Variants in USP54 observed in about 807,000 individuals in gnomAD.
USP54 encodes ubiquitin specific peptidase 54, also known as ubiquitin carboxyl-terminal hydrolase 54.
A neutral mutation model predicts 170.5 loss-of-function variants in USP54; 87 were observed. That is an observed-to-expected ratio of 0.51 (90% confidence interval 0.43 to 0.61). The LOEUF is 0.61. Ranked by LOEUF, USP54 falls within the 20% of genes least tolerant of loss-of-function variation. USP54 has a pLI of 0.00. For missense variants in USP54, 1,786 were observed against 2,047.8 expected (o/e 0.87, Z 2.47); for synonymous variants, 655 against 742.8 (o/e 0.88, Z 1.92).
At chr10:73,605,073 T>C (rs2079514085) in intron 1 of USP54, among the ~76,000 whole-genome samples, 1 of 152,074 alleles carries the variant, frequency 6.6e-6, no homozygotes, top group Non-Finnish European at 1.5e-5. Flanking sequence ...TGCTGATTGG[T>C]GCATTTACAA....
In USP54 at chr10:73,529,799, A is replaced by G; in HGVS notation, c.1941T>C (p.Leu647=). 1 of 1,613,558 alleles carries G rather than the reference A, an allele frequency of 6.2e-7. No homozygotes were observed. The highest frequency in any genetic ancestry group is 8.5e-7 in the Non-Finnish European group (1 of 1,179,612). ...RWGPARPGSH[L]LEQHPRLIQR... ...GGATTAGTCGGGGGTGCTGCTCTAA[A>G]AGGTGAGAGCCTGGCCGTGCTGGGC... is the stretch of plus-strand genomic sequence containing the variant. Residue 647 remains leucine (L), a synonymous_variant, in exon 15 of 24, where the codon CTT becomes CTC. Transcript: ENST00000687698.
intron 1 of USP54, among the ~76,000 whole-genome samples, chr10:73,618,362 A>G (rs1254401545): frequency 6.6e-6 from 1 of 150,516 alleles, no homozygotes; most frequent in East Asian, 1.9e-4. Context: ...CCTGGGCTCA[A>G]GGGATCTTCC....
intron 1 of USP54, among the ~76,000 whole-genome samples, chr10:73,606,026 A>G (rs1385230489): frequency 4.0e-5 from 6 of 151,826 alleles, no homozygotes; most frequent in African/African-American, 1.5e-4. Context: ...AAAAATACAA[A>G]AATTAGCCAG....
In USP54 at chr10:73,505,020, C is replaced by T. The variant is rs766584204; in HGVS notation, c.4171-30G>A. On this transcript the variant is annotated intron_variant, in intron 21 of 23. Coordinates refer to ENST00000687698, the MANE Select transcript of USP54 (RefSeq NM_001391956.1). ...AAACACACAGACACATACAGGCAGA[C>T]ACATAATACCAGACTTATGGTTTTC... 1.9e-6 allele frequency: 3 copies of T among 1,613,392 alleles called. No individual in the cohort carries two copies. The South Asian group carries it at 3.3e-5, about 18-fold the overall frequency.
Position 73,523,627 on chromosome 10 carries a change from G to A in USP54, c.2318C>T (p.Pro773Leu), listed in dbSNP as rs762693017. 6.2e-7 allele frequency: 1 copy of A among 1,613,096 alleles called. No individual in the cohort carries two copies. The highest frequency in any genetic ancestry group is 1.1e-5 in the South Asian group (1 of 90,970). ...KELEAAKGFN[P>L]HPSRFMDLDE... ...CAAGTCCATGAAGCGGCTAGGATGA[G>A]GGTTAAACCCTTTCGCTGCCTCTAA... is the stretch of plus-strand genomic sequence containing the variant. The change falls in exon 17 of 24, where the codon CCT becomes CTT. Residue 773 changes from proline to leucine, a missense_variant. Physicochemically the swap from Pro to Leu is moderately conservative, Grantham distance 98. Coordinates refer to ENST00000687698, the MANE Select transcript of USP54 (RefSeq NM_001391956.1).
At chr10:73,519,641 G>A (rs1254970669) in intron 19 of USP54, 156 bp downstream of exon 19, 3 of 1,134,908 alleles carry the variant, frequency 2.6e-6, no homozygotes, top group Non-Finnish European at 2.5e-6. Flanking sequence ...AGTACAATGA[G>A]CTTTTCACTG....
chr10:73,565,356 A>G (rs1387426201), intron 4 of USP54, among the ~76,000 whole-genome samples: 1 of 151,872 alleles, frequency 6.6e-6, no homozygotes, highest in African/African-American at 2.4e-5. Context: ...ATCTCTACCA[A>G]AAATTTAAAA....
In USP54 at chr10:73,500,666, T is replaced by C. The variant is rs1178790024; in HGVS notation, c.4484A>G (p.Asn1495Ser). 18 of 1,600,348 alleles carry C rather than the reference T, an allele frequency of 1.1e-5. No homozygotes were observed. The highest frequency in any genetic ancestry group is 4.1e-5 in the African/African-American group (3 of 73,792). ...TTTGGGGGAGTTACCTGGGAGTCTA[T>C]TGGGCTCCCCTGCCATGGTGGGCAT... The part of the protein sequence containing the change: ...VLMPTMAGEP[N>S]RLPGTSRSVQ... Residue 1495 changes from asparagine to serine, a missense_variant, in exon 23 of 24, where the codon AAT becomes AGT. Asn to Ser is a conservative substitution (Grantham distance 46). Around this residue, in one of 3 missense-constraint regions of USP54, gnomAD observed 1,418 missense variants for 1,569.0 expected, o/e 0.90. Transcript: ENST00000687698.
intron 1 of USP54, among the ~76,000 whole-genome samples, chr10:73,585,719 T>C (rs1358934827): frequency 6.6e-6 from 1 of 152,212 alleles, no homozygotes; most frequent in Non-Finnish European, 1.5e-5. Flanking sequence ...ATTCACATAT[T>C]CTGCCAATAA....
intron 1 of USP54, among the ~76,000 whole-genome samples, chr10:73,598,243 T>A (rs2078885998): frequency 6.6e-6 from 1 of 152,218 alleles, no homozygotes; most frequent in Non-Finnish European, 1.5e-5. Context: ...ACTACTGTAG[T>A]CTTTTAATAA....
Position 73,552,636 on chromosome 10 carries a change from C to CAA in USP54, c.241-6966_241-6965dup, listed in dbSNP as rs755473202. 1.8e-4 allele frequency among the ~76,000 whole-genome samples: 27 copies of CAA among 151,862 alleles called. No individual in the cohort carries two copies. The East Asian group carries it at 1.9e-3, about 11-fold the overall frequency. On this transcript the variant is annotated intron_variant, in intron 4 of 23. Transcript: ENST00000687698. ...TGAAACCCCATCTCTACTAAAATTA[C>CAA]AAAAATTAGCCAGGTGTGGTGGCAA... is the stretch of plus-strand genomic sequence containing the variant.
At chr10:73,595,745 C>A (rs1182947043), upstream of USP54, among the ~76,000 whole-genome samples, 1 of 152,148 alleles carries the variant, frequency 6.6e-6, no homozygotes. Context: ...GGACTTAAAG[C>A]TCCTAGAAAG....
At chr10:73,566,029 G>C (rs1383646256) in intron 4 of USP54, among the ~76,000 whole-genome samples, 3 of 152,044 alleles carry the variant, frequency 2.0e-5, no homozygotes, top group Non-Finnish European at 4.4e-5. Flanking sequence ...TCAGGAGTTC[G>C]AGACCAGCCT....
intron 10 of USP54, chr10:73,538,100 G>C (rs2065669190): frequency 6.6e-6 from 1 of 152,194 alleles, no homozygotes; most frequent in Admixed American, 6.5e-5. Flanking sequence ...AGCTACTCGG[G>C]AGGCTGAGGC....
At chr10:73,586,948 C>T (rs1225392519) in intron 1 of USP54, among the ~76,000 whole-genome samples, 1 of 152,038 alleles carries the variant, frequency 6.6e-6, no homozygotes, top group East Asian at 1.9e-4. Flanking sequence ...TTTTCCTGCA[C>T]AAGAACTTAG....
chr10:73,622,934 G>A (rs570925773), intron 1 of USP54, among the ~76,000 whole-genome samples: 5 of 144,080 alleles, frequency 3.5e-5, no homozygotes, highest in African/African-American at 7.7e-5. Context: ...CAGACAACTC[G>A]TCTTTAAAGA....
intron 11 of USP54, among the ~76,000 whole-genome samples, chr10:73,535,903 G>A (rs1321165458): frequency 1.3e-5 from 2 of 152,174 alleles, no homozygotes; most frequent in Non-Finnish European, 2.9e-5. Flanking sequence ...TAGCCTTGTA[G>A]TGGCTCAAAT....
rs149985548 is a variant in USP54 at position 73,504,918 on chromosome 10, T to C, written c.4243A>G (p.Ile1415Val). 1 of 1,614,106 alleles carries C rather than the reference T, an allele frequency of 6.2e-7. No individual in the cohort carries two copies. The highest frequency in any genetic ancestry group is 1.3e-5 in the African/African-American group (1 of 75,032). ...ACGGTGCCACTGAGACTGCGTGAGATGCGACGTAAATTCTCTGCACTGTAC... is the reference window on the plus strand; with the variant it reads ...ACGGTGCCACTGAGACTGCGTGAGACGCGACGTAAATTCTCTGCACTGTAC... ...EQYSAENLRR[I>V]SRSLSGTVVS... Residue 1415 changes from isoleucine to valine, a missense_variant, in exon 22 of 24, where the codon ATC becomes GTC. Ile to Val is a conservative substitution (Grantham distance 29). Transcript: ENST00000687698.
intron 7 of USP54, among the ~76,000 whole-genome samples, chr10:73,542,522 A>C (rs2066835446): frequency 6.6e-6 from 1 of 152,196 alleles, no homozygotes; most frequent in Non-Finnish European, 1.5e-5. Flanking sequence ...TCACGAGTTC[A>C]AGACCAGCCT....
Sources: gnomAD v4.1 joint callset for allele counts (sites outside exome capture counted in the v4.1 genomes callset) on GRCh38, gnomAD v4.1.1 for gene constraint, gnomAD v4.1.1 regional missense constraint, MANE v1.5 for transcripts, NCBI Gene and HGNC (gene_info 2026-07-23, HGNC 2026-07-21) for gene names.